ALDH1A2: variants seen among roughly 807,000 people sequenced by gnomAD.
The protein encoded by ALDH1A2 is aldehyde dehydrogenase 1 family member A2.
In ALDH1A2, 27 loss-of-function variants were observed where a neutral mutation model predicts 60.3. The ratio of observed to expected loss-of-function variants is 0.45; its 90% CI spans 0.33 to 0.62. The LOEUF is 0.62. ALDH1A2 is among the 20% of genes least tolerant of loss of function. The probability of loss-of-function intolerance (pLI) is 0.02; values close to 1 mark genes in which losing one functional copy is unlikely to be tolerated. For synonymous variants in ALDH1A2, 289 were observed against 232.4 expected (o/e 1.24, Z -2.21); for missense variants, 581 against 643.8 (o/e 0.90, Z 1.06).
intron 4 of ALDH1A2, among the ~76,000 whole-genome samples, chr15:58,006,431 T>C (rs1395819999): frequency 6.6e-6 from 1 of 151,964 alleles, no homozygotes; most frequent in Non-Finnish European, 1.5e-5. Flanking sequence ...TGCAGTTAGG[T>C]TGGTACCATA....
chr15:57,958,265 C>T (rs1394444723), intron 12 of ALDH1A2, among the ~76,000 whole-genome samples: 3 of 151,418 alleles, frequency 2.0e-5, no homozygotes, highest in Non-Finnish European at 2.9e-5. Flanking sequence ...TCTAACAATG[C>T]TTCTCATTTT....
intron 12 of ALDH1A2, among the ~76,000 whole-genome samples, chr15:57,957,838 C>G (rs753898245): frequency 6.6e-6 from 1 of 152,002 alleles, no homozygotes; most frequent in Non-Finnish European, 1.5e-5. Context: ...ACTTGACTTG[C>G]AGCAGCATTT....
intron 1 of ALDH1A2, among the ~76,000 whole-genome samples, chr15:58,024,822 A>C (rs1896033328): frequency 6.6e-6 from 1 of 152,240 alleles, no homozygotes; most frequent in African/African-American, 2.4e-5. Flanking sequence ...AATTTTTAAA[A>C]AATCATATCA....
intron 4 of ALDH1A2, among the ~76,000 whole-genome samples, chr15:58,005,339 T>C (rs1895412900): frequency 1.3e-5 from 2 of 152,014 alleles, no homozygotes; most frequent in Admixed American, 1.3e-4. Flanking sequence ...ATATTGCAGT[T>C]GCTTCGCTAC....
intron 4 of ALDH1A2, among the ~76,000 whole-genome samples, chr15:58,001,493 A>G (rs1008594643): frequency 2.4e-4 from 36 of 152,060 alleles, no homozygotes; most frequent in Middle Eastern, 3.4e-3. Flanking sequence ...AGGTGAGCCC[A>G]GGACTAAGCG....
At chr15:57,966,996 T>C (rs1893917440) in intron 7 of ALDH1A2, among the ~76,000 whole-genome samples, 2 of 152,190 alleles carry the variant, frequency 1.3e-5, no homozygotes, top group Non-Finnish European at 2.9e-5. Context: ...AAAAATGTTA[T>C]TTGTTCCTGA....
At chr15:58,020,720 T>A (rs112427289) in intron 1 of ALDH1A2, among the ~76,000 whole-genome samples, 2,069 of 152,274 alleles carry the variant, frequency 0.014, 22 homozygotes, top group African/African-American at 0.031. Flanking sequence ...ATTTTCTTGA[T>A]CAAATGTAGT....
chr15:57,983,134 G>C (rs35405540), intron 7 of ALDH1A2, among the ~76,000 whole-genome samples: 86 of 152,272 alleles, frequency 5.6e-4, no homozygotes, highest in African/African-American at 1.9e-3. Flanking sequence ...TACAACTGCA[G>C]GAATGACAAC....
chr15:58,022,502 C>G (rs1895956045), intron 1 of ALDH1A2, among the ~76,000 whole-genome samples: 2 of 152,120 alleles, frequency 1.3e-5, no homozygotes, highest in African/African-American at 4.8e-5. Flanking sequence ...CACATCCAAC[C>G]ACCTGGTCCA....
chr15:58,032,935 T>C (rs1030977172), intron 1 of ALDH1A2, among the ~76,000 whole-genome samples: 1 of 151,926 alleles, frequency 6.6e-6, no homozygotes, highest in African/African-American at 2.4e-5. Flanking sequence ...AGAAGACAAA[T>C]ATTGCATGTT....
chr15:58,023,444 T>C (rs1416787483), intron 1 of ALDH1A2, among the ~76,000 whole-genome samples: 1 of 152,196 alleles, frequency 6.6e-6, no homozygotes, highest in Non-Finnish European at 1.5e-5. Context: ...ACAGGATGCT[T>C]AATGATTCTC....
chr15:58,043,514 C>G (rs1896568055), intron 1 of ALDH1A2, among the ~76,000 whole-genome samples: 1 of 152,004 alleles, frequency 6.6e-6, no homozygotes, highest in Non-Finnish European at 1.5e-5. Context: ...ATTTGAATAA[C>G]AGAATCTCCA....
intron 7 of ALDH1A2, among the ~76,000 whole-genome samples, chr15:57,967,850 G>T (rs1376681001): frequency 6.6e-6 from 1 of 152,134 alleles, no homozygotes; most frequent in African/African-American, 2.4e-5. Context: ...GGAAGACCTG[G>T]TCTCAGTAAA....
At chr15:58,044,790 C>A (rs1055173354) in intron 1 of ALDH1A2, among the ~76,000 whole-genome samples, 1 of 151,996 alleles carries the variant, frequency 6.6e-6, no homozygotes, top group Admixed American at 6.6e-5. Context: ...AAAACCAATC[C>A]TTATCATAAT....
chr15:57,989,872 T>C (rs961120823), intron 7 of ALDH1A2, among the ~76,000 whole-genome samples: 2 of 151,602 alleles, frequency 1.3e-5, no homozygotes, highest in Non-Finnish European at 2.9e-5. Flanking sequence ...TGAAAGAAAA[T>C]ATTAAGGGCC....
chr15:58,047,299 T>C (rs2140564469), intron 1 of ALDH1A2, among the ~76,000 whole-genome samples: 1 of 152,182 alleles, frequency 6.6e-6, no homozygotes, highest in East Asian at 1.9e-4. Flanking sequence ...AGATTGTACC[T>C]TGGAGAGTTA....
chr15:57,989,807 A>C (rs1453313267), intron 7 of ALDH1A2, among the ~76,000 whole-genome samples: 5 of 152,220 alleles, frequency 3.3e-5, no homozygotes, highest in African/African-American at 1.2e-4. Flanking sequence ...TTCATTATAC[A>C]TGAAAATAAA....
intron 1 of ALDH1A2, among the ~76,000 whole-genome samples, chr15:58,016,444 T>A (rs1895792578): frequency 6.6e-6 from 1 of 152,144 alleles, no homozygotes. Context: ...GGCCCCAAGT[T>A]CAGTTTTTAG....
intron 7 of ALDH1A2, among the ~76,000 whole-genome samples, chr15:57,978,931 G>T (rs1478217583): frequency 6.6e-6 from 1 of 152,186 alleles, no homozygotes; most frequent in South Asian, 2.1e-4. Context: ...AGATACTTGG[G>T]GGGCTGAGGC....
Sources: allele counts gnomAD v4.1 joint callset (sites outside exome capture counted in the v4.1 genomes callset), GRCh38; gene constraint gnomAD v4.1.1; transcripts MANE v1.5; gene names NCBI Gene and HGNC (gene_info 2026-07-23, HGNC 2026-07-21).